Variants in FRS2 observed in about 807,000 individuals in gnomAD.
FRS2 encodes the protein FGFR signalling adaptor.
Under a neutral mutation model 43.9 loss-of-function variants are expected in FRS2, and 8 were observed. That is an observed-to-expected ratio of 0.18 (90% CI 0.11 to 0.33). FRS2 has a LOEUF of 0.33. Ranked by LOEUF, FRS2 falls within the 10% of genes least tolerant of loss-of-function variation. The probability of loss-of-function intolerance (pLI) is 1.00; values close to 1 mark genes in which losing one functional copy is unlikely to be tolerated. For synonymous variants in FRS2, 219 were observed against 220.3 expected, an observed-to-expected ratio of 0.99 and a Z score of 0.05; for missense variants, 534 against 627.6, an observed-to-expected ratio of 0.85 and a Z score of 1.59.
At chr12:69,472,051 T>G (rs1870347043) in intron 1 of FRS2, among the ~76,000 whole-genome samples, 1 of 152,128 alleles carries the variant, frequency 6.6e-6, no homozygotes, top group Non-Finnish European at 1.5e-5. Context: ...TGTGGAGAGA[T>G]TAGCTGCACA....
At chr12:69,481,997 T>A (rs958563986) in intron 1 of FRS2, among the ~76,000 whole-genome samples, 1 of 149,358 alleles carries the variant, frequency 6.7e-6, no homozygotes, top group African/African-American at 2.5e-5. Context: ...GTTTTATGGT[T>A]TTTTTTTTTT....
chr12:69,470,461 C>G lies in FRS2; in HGVS notation c.-330C>G, dbSNP rs1870148449. On this transcript the variant is annotated 5_prime_UTR_variant, in exon 1 of 9. Transcript: ENST00000549921. ...GATCTGCTCCAAGTAGGGGCTCCAG[C>G]GCGGGTCGGAGTCTGGGGGTTCGCG... 2.5e-6 allele frequency: 1 copy of G among 398,484 alleles called. No homozygotes were observed. Among genetic ancestry groups the G allele is most frequent in the African/African-American group, 2.1e-5 (1 of 48,626 alleles). 24.7% of individuals were successfully genotyped at this position (398,484 alleles called of 1,614,324 possible).
intron 3 of FRS2, among the ~76,000 whole-genome samples, chr12:69,539,942 G>A (rs986062687): frequency 2.6e-5 from 4 of 151,250 alleles, no homozygotes; most frequent in Non-Finnish European, 4.4e-5. Flanking sequence ...GCGACAGTGC[G>A]GGACTCCGTC....
chr12:69,566,783 A>G (rs1880337789), intron 4 of FRS2, among the ~76,000 whole-genome samples: 1 of 152,156 alleles, frequency 6.6e-6, no homozygotes, highest in South Asian at 2.1e-4. Context: ...ATGCCATTCT[A>G]TTGTGGGAAC....
chr12:69,545,761 A>G (rs1470348782), intron 3 of FRS2, among the ~76,000 whole-genome samples: 1 of 145,362 alleles, frequency 6.9e-6, no homozygotes, highest in Non-Finnish European at 1.5e-5. Flanking sequence ...GTCTCAAAAA[A>G]AAAAAAAAAA....
At chr12:69,492,737 A>G (rs1288611822) in intron 1 of FRS2, among the ~76,000 whole-genome samples, 1 of 152,152 alleles carries the variant, frequency 6.6e-6, no homozygotes, top group Admixed American at 6.5e-5. Flanking sequence ...AACTTAAAAG[A>G]TAATGTTCTG....
At chr12:69,475,388 G>T (rs191937692) in intron 1 of FRS2, among the ~76,000 whole-genome samples, 2 of 152,272 alleles carry the variant, frequency 1.3e-5, no homozygotes, top group East Asian at 3.9e-4. Context: ...CTTTGTCTGG[G>T]CTGTTTGGCT....
intron 3 of FRS2, among the ~76,000 whole-genome samples, chr12:69,534,676 C>T (rs971631167): frequency 1.3e-5 from 2 of 152,164 alleles, no homozygotes; most frequent in African/African-American, 4.8e-5. Flanking sequence ...CATCATTCCT[C>T]CTAATCACAT....
Position 69,575,376 on chromosome 12 carries a change from TC to T in FRS2, c.*422del, listed in dbSNP as rs1474791706. ...AAAGTAATGCTCGTAGATTCAGTGT[TC>T]ACAGTATGTGGCCTCCAGCATGTAA... On this transcript the variant is annotated 3_prime_UTR_variant, in exon 9 of 9. Coordinates refer to ENST00000549921, the MANE Select transcript of FRS2 (RefSeq NM_001278356.2). The T allele has an allele frequency of 6.1e-6, 1 of 162,726 alleles. No homozygotes were observed. Among genetic ancestry groups the T allele is most frequent in the East Asian group, 1.8e-4 (1 of 5,592 alleles). 10.1% of individuals were successfully genotyped at this position (162,726 alleles called of 1,614,324 possible). A position where few individuals can be genotyped will look rare whatever the true frequency, so the allele number is the denominator to read the frequency against.
At chr12:69,551,259 G>A (rs551207697) in intron 3 of FRS2, among the ~76,000 whole-genome samples, 3 of 152,214 alleles carry the variant, frequency 2.0e-5, no homozygotes, top group South Asian at 2.1e-4. Flanking sequence ...AGGCTGATTC[G>A]GGAGGATCAC....
At chr12:69,532,497 T>A (rs1172706251) in intron 3 of FRS2, among the ~76,000 whole-genome samples, 2 of 152,288 alleles carry the variant, frequency 1.3e-5, no homozygotes, top group Non-Finnish European at 2.9e-5. Context: ...GGAGGAATGC[T>A]GTGTCCTTGC....
intron 1 of FRS2, among the ~76,000 whole-genome samples, chr12:69,507,921 G>A (rs191295387): frequency 6.6e-6 from 1 of 151,284 alleles, no homozygotes; most frequent in African/African-American, 2.4e-5. Flanking sequence ...CTACTCAGGA[G>A]GCTGAGGCAG....
intron 4 of FRS2, among the ~76,000 whole-genome samples, chr12:69,566,752 G>A (rs967901045): frequency 2.0e-5 from 3 of 152,180 alleles, no homozygotes; most frequent in South Asian, 2.1e-4. Context: ...AGTAGAGTAC[G>A]ATAAAGGCCA....
At chr12:69,505,555 C>T (rs1356910780) in intron 1 of FRS2, among the ~76,000 whole-genome samples, 5 of 152,198 alleles carry the variant, frequency 3.3e-5, no homozygotes, top group East Asian at 3.9e-4. Context: ...AAAAGAATAC[C>T]GCTTAAAAGA....
chr12:69,559,650 G>C (rs1879716432), intron 3 of FRS2, among the ~76,000 whole-genome samples: 1 of 152,156 alleles, frequency 6.6e-6, no homozygotes, highest in African/African-American at 2.4e-5. Flanking sequence ...CTAGCAGACT[G>C]TACTGAGAAT....
chr12:69,494,229 G>A (rs960150204), intron 1 of FRS2, among the ~76,000 whole-genome samples: 7 of 152,134 alleles, frequency 4.6e-5, no homozygotes, highest in Non-Finnish European at 8.8e-5. Flanking sequence ...TTTGATAGGC[G>A]ATAAAATAAT....
intron 1 of FRS2, among the ~76,000 whole-genome samples, chr12:69,473,245 T>C (rs1419485834): frequency 6.6e-6 from 1 of 152,256 alleles, no homozygotes; most frequent in East Asian, 1.9e-4. Flanking sequence ...GCCTGGGCTA[T>C]GTGGCTAGCA....
At position 69,470,449 on chromosome 12, in the gene FRS2, T is replaced by C. The variant is rs1484798068; in HGVS notation, c.-342T>C. 2 of 398,494 alleles carry C rather than the reference T, an allele frequency of 5.0e-6. No homozygotes were observed. The highest frequency in any genetic ancestry group is 6.3e-4 in the Middle Eastern group (1 of 1,588). The allele number at this position is 398,494 out of a possible 1,614,324, so 24.7% of individuals were successfully genotyped here. On this transcript the variant is annotated 5_prime_UTR_variant, in exon 1 of 9. Transcript: ENST00000549921. ...CGGCTGAGACTCGATCTGCTCCAAGTAGGGGCTCCAGCGCGGGTCGGAGTC... is the reference window on the plus strand; with the variant it reads ...CGGCTGAGACTCGATCTGCTCCAAGCAGGGGCTCCAGCGCGGGTCGGAGTC...
intron 1 of FRS2, among the ~76,000 whole-genome samples, chr12:69,501,188 A>G (rs1283378971): frequency 1.3e-5 from 2 of 151,354 alleles, no homozygotes; most frequent in African/African-American, 4.9e-5. Context: ...AAAAAAAATC[A>G]TTGTATTGCT....
Sources: gnomAD v4.1 joint callset for allele counts (sites outside exome capture counted in the v4.1 genomes callset) on GRCh38, gnomAD v4.1.1 for gene constraint, MANE v1.5 for transcripts, NCBI Gene and HGNC (gene_info 2026-07-23, HGNC 2026-07-21) for gene names.